The following ERO1A variants were observed in gnomAD, a reference collection of about 807,000 sequenced individuals.
ERO1A encodes ERO1-like protein alpha.
Under a neutral mutation model 76.9 loss-of-function variants are expected in ERO1A, and 49 were observed. The ratio of observed to expected loss-of-function variants is 0.64; its 90% confidence interval spans 0.51 to 0.81. The LOEUF (loss-of-function observed/expected upper bound fraction) is 0.81, where lower values mean the gene tolerates loss of function less well. Ranked by LOEUF, ERO1A falls within the 30% of genes least tolerant of loss-of-function variation. ERO1A has a pLI of 0.00. For missense variants in ERO1A, 448 were observed against 542.1 expected (o/e 0.83, Z 1.72); for synonymous variants, 174 against 181.2 (o/e 0.96, Z 0.32).
In ERO1A at chr14:52,682,425, G is replaced by GA. The variant is rs760538659; in HGVS notation, c.235-18dup. 14 of 1,544,206 alleles carry GA rather than the reference G, an allele frequency of 9.1e-6. No homozygotes were observed. The highest frequency in any genetic ancestry group is 2.4e-5 in the South Asian group (2 of 83,634). On this transcript the variant is annotated splice_polypyrimidine_tract_variant and intron_variant, in intron 2 of 15. Transcript: ENST00000395686. Reference sequence around the variant, plus strand: ...CAGGTTTACCTGTAAAATAATAATAGAAAAAAAATTATAAAAATCAGAATC... The same window carrying GA: ...CAGGTTTACCTGTAAAATAATAATAGAAAAAAAAATTATAAAAATCAGAATC...
chr14:52,683,554 T>A (rs868297578), intron 2 of ERO1A, among the ~76,000 whole-genome samples: 1 of 152,202 alleles, frequency 6.6e-6, no homozygotes, highest in African/African-American at 2.4e-5. Flanking sequence ...ATAATTTCTG[T>A]CCTAACTTCA....
At chr14:52,656,045 T>C (rs1350850643) in intron 11 of ERO1A, among the ~76,000 whole-genome samples, 2 of 152,196 alleles carry the variant, frequency 1.3e-5, no homozygotes, top group African/African-American at 4.8e-5. Flanking sequence ...AAATACATTA[T>C]TTTGATCTAT....
chr14:52,687,637 AG>A (rs1410883791), intron 1 of ERO1A, among the ~76,000 whole-genome samples: 2 of 152,214 alleles, frequency 1.3e-5, no homozygotes, highest in Non-Finnish European at 2.9e-5. Flanking sequence ...AATGCGGGTA[AG>A]GGGGAAAATT....
At chr14:52,653,733 T>C (rs1301351799) in intron 11 of ERO1A, among the ~76,000 whole-genome samples, 1 of 151,946 alleles carries the variant, frequency 6.6e-6, no homozygotes, top group East Asian at 1.9e-4. Context: ...CTATTGATTA[T>C]AGGGTCATTT....
intron 3 of ERO1A, among the ~76,000 whole-genome samples, chr14:52,679,454 C>A (rs1300639433): frequency 2.6e-5 from 4 of 151,300 alleles, no homozygotes; most frequent in African/African-American, 4.9e-5. Flanking sequence ...CACTCTGTTG[C>A]CCAGGCTGGA....
intron 9 of ERO1A, among the ~76,000 whole-genome samples, chr14:52,660,389 A>T (rs2040193412): frequency 6.6e-6 from 1 of 152,246 alleles, no homozygotes; most frequent in Non-Finnish European, 1.5e-5. Flanking sequence ...TATAGCATAG[A>T]ACTAGGTTAA....
rs777473421 is a variant in ERO1A, at chr14:52,652,256, CTTT to C, written c.1105_1107del (p.Lys369del). 7.5e-6 allele frequency: 12 copies of C among 1,607,118 alleles called. No homozygotes were observed. The South Asian group carries it at 1.3e-4, about 18-fold the overall frequency. Reference sequence around the variant, plus strand: ...GTAATTACCTTTAGTTTGTGTGCTTCTTTTTTATCCCCAGCAAAAAATGAATTC... The same window carrying C: ...GTAATTACCTTTAGTTTGTGTGCTTCTTTATCCCCAGCAAAAAATGAATTC... On this transcript the variant is annotated inframe_deletion, in exon 13 of 16. Transcript: ENST00000395686.
chr14:52,656,640 A>G (rs2040055847), intron 11 of ERO1A, among the ~76,000 whole-genome samples: 1 of 148,540 alleles, frequency 6.7e-6, no homozygotes, highest in African/African-American at 2.5e-5. Context: ...TGAACCCAGG[A>G]GGCAGAGGTC....
chr14:52,674,172 A>G (rs1395897320), intron 4 of ERO1A, among the ~76,000 whole-genome samples: 2 of 152,344 alleles, frequency 1.3e-5, no homozygotes, highest in South Asian at 4.1e-4. Context: ...ATGAACTTCC[A>G]AAAGTTTTAC....
Position 52,653,135 on chromosome 14 carries a change from A to T in ERO1A, c.989T>A (p.Phe330Tyr). The change falls in exon 12 of 16, where the codon TTT becomes TAT. Residue 330 changes from phenylalanine (F) to tyrosine (Y), a missense_variant. Coordinates refer to ENST00000395686, the MANE Select transcript of ERO1A (RefSeq NM_014584.3). ...PFFERPDFQL[F>Y]TGNKIQDEEN... ...CTCATCCTGAATTTTATTTCCAGTA[A>T]AGAGTTGAAAATCTGGGCGCTCGAA... 1 of 1,609,946 alleles carries T rather than the reference A, an allele frequency of 6.2e-7. No individual in the cohort carries two copies. The highest frequency in any genetic ancestry group is 1.1e-5 in the South Asian group (1 of 90,970).
At chr14:52,672,444 G>T (rs745371257) in intron 4 of ERO1A, among the ~76,000 whole-genome samples, 54 of 152,040 alleles carry the variant, frequency 3.6e-4, no homozygotes, top group Non-Finnish European at 7.4e-5. Context: ...CAAATAAGTT[G>T]TCTCTATGTT....
intron 9 of ERO1A, among the ~76,000 whole-genome samples, chr14:52,660,517 C>G (rs534968728): frequency 1.6e-4 from 24 of 152,298 alleles, no homozygotes; most frequent in African/African-American, 5.5e-4. Context: ...CTCTTCCAAA[C>G]AGTTCTGAGT....
At chr14:52,657,236 G>A (rs2040081268) in intron 11 of ERO1A, among the ~76,000 whole-genome samples, 1 of 152,174 alleles carries the variant, frequency 6.6e-6, no homozygotes, top group African/African-American at 2.4e-5. Context: ...CTGCCTCCAA[G>A]CTGCTACTCT....
At chr14:52,657,817 CA>C in intron 11 of ERO1A, 99 bp downstream of exon 11, 1 of 744,340 alleles carries the variant, frequency 1.3e-6, no homozygotes, top group South Asian at 1.9e-5. Context: ...GCCTAATATT[CA>C]ATCAGGTCAA....
At chr14:52,646,489 A>C in intron 13 of ERO1A, 28 bp from the exon 14 acceptor site, 2 of 1,523,792 alleles carry the variant, frequency 1.3e-6, no homozygotes, top group Non-Finnish European at 1.8e-6. Flanking sequence ...AGATTTTATT[A>C]AGATGTAATA....
chr14:52,689,224 GA>G (rs2041276426), intron 1 of ERO1A, among the ~76,000 whole-genome samples: 1 of 152,200 alleles, frequency 6.6e-6, no homozygotes, highest in Non-Finnish European at 1.5e-5. Context: ...AGAGTGCTGG[GA>G]TTACAGGCAT....
At chr14:52,644,161 A>G (rs1320360050) in intron 15 of ERO1A, among the ~76,000 whole-genome samples, 1 of 151,988 alleles carries the variant, frequency 6.6e-6, no homozygotes, top group African/African-American at 2.4e-5. Flanking sequence ...ATTCTTTTAA[A>G]TAAATAAAAT....
chr14:52,666,337 AT>A, intron 7 of ERO1A, 37 bp downstream of exon 7: 1 of 1,448,578 alleles, frequency 6.9e-7, no homozygotes, highest in Non-Finnish European at 9.5e-7. Flanking sequence ...AAATCACCAC[AT>A]CTTATAGGAA....
intron 11 of ERO1A, among the ~76,000 whole-genome samples, chr14:52,657,071 A>T (rs1444078937): frequency 6.6e-6 from 1 of 152,214 alleles, no homozygotes; most frequent in Non-Finnish European, 1.5e-5. Context: ...CCAGGGTGCC[A>T]TGTCAGTTTC....
Sources: gnomAD v4.1 joint callset for allele counts (sites outside exome capture counted in the v4.1 genomes callset) on GRCh38, gnomAD v4.1.1 for gene constraint, MANE v1.5 for transcripts, NCBI Gene and HGNC (gene_info 2026-07-23, HGNC 2026-07-21) for gene names.